The following RELN variants were observed in gnomAD, a reference collection of about 807,000 sequenced individuals.
RELN encodes reelin.
RELN carries 108 observed loss-of-function variants against 427.6 expected under a neutral mutation model. That is an observed-to-expected ratio of 0.25 (90% confidence interval 0.22 to 0.30). The LOEUF (loss-of-function observed/expected upper bound fraction) is 0.30. Among genes scored for constraint, RELN ranks in the 10% least tolerant of loss-of-function variants. RELN has a pLI of 1.00. For missense variants in RELN, 3,715 were observed against 4,302.8 expected (o/e 0.86, Z 3.82); for synonymous variants, 1,524 against 1,513.4 (o/e 1.01, Z -0.16).
At chr7:103,963,931 A>C (rs560771807) in intron 1 of RELN, among the ~76,000 whole-genome samples, 1 of 152,272 alleles carries the variant, frequency 6.6e-6, no homozygotes, top group Non-Finnish European at 1.5e-5. Context: ...GGAAAGTTGA[A>C]GCGAGAGGAC....
At chr7:103,821,762 C>A (rs1793020957) in intron 3 of RELN, among the ~76,000 whole-genome samples, 1 of 151,814 alleles carries the variant, frequency 6.6e-6, no homozygotes, top group Non-Finnish European at 1.5e-5. Context: ...ACCATCTTTG[C>A]TCCTTTGCAA....
chr7:103,893,067 AGAG>A (rs1313730377), intron 2 of RELN, among the ~76,000 whole-genome samples: 1 of 152,170 alleles, frequency 6.6e-6, no homozygotes, highest in African/African-American at 2.4e-5. Flanking sequence ...GTTCATGGGT[AGAG>A]GAGAAAAATA....
intron 2 of RELN, among the ~76,000 whole-genome samples, chr7:103,870,012 T>C (rs1388351709): frequency 6.6e-6 from 1 of 152,142 alleles, no homozygotes; most frequent in African/African-American, 2.4e-5. Flanking sequence ...CATCCTCATG[T>C]GCTTTTAAGA....
Position 103,881,988 on chromosome 7 carries a change from C to G in RELN, c.337+35087G>C, listed in dbSNP as rs79015923. Among the ~76,000 whole-genome samples the G allele has an allele frequency of 4.4e-3, 666 of 152,218 alleles. 3 individuals are homozygous for G. The highest frequency in any genetic ancestry group is 0.015 in the African/African-American group (629 of 41,528). The stretch of plus-strand genomic sequence containing the variant: ...ATGAAGTGCCAATGAATGAATGAAT[C>G]AATCAATCAGTCAAACAACCAACGA... On this transcript the variant is annotated intron_variant, in intron 2 of 64. Coordinates refer to ENST00000428762, the MANE Select transcript of RELN (RefSeq NM_005045.4).
In RELN at chr7:103,668,737, G is replaced by A. The variant is rs151086930; in HGVS notation, c.1290-7210C>T. 4.7e-4 allele frequency among the ~76,000 whole-genome samples: 71 copies of A among 152,282 alleles called. No individual in the cohort carries two copies. In the East Asian group the frequency reaches 0.013, roughly 29 times the overall value. On this transcript the variant is annotated intron_variant, in intron 11 of 64. Transcript: ENST00000428762. ...TATTGCATCATTCGCAAATTAACCA[G>A]GAGCCTCTCTTGACGCATACATGAA...
chr7:103,774,382 C>T (rs1405583388), intron 4 of RELN, among the ~76,000 whole-genome samples: 2 of 151,146 alleles, frequency 1.3e-5, no homozygotes, highest in Admixed American at 6.6e-5. Flanking sequence ...ATAATGAGTA[C>T]ATTTTCTAAT....
chr7:103,491,049 A>G (rs1046277583), intron 58 of RELN, among the ~76,000 whole-genome samples: 6 of 152,268 alleles, frequency 3.9e-5, no homozygotes, highest in East Asian at 1.9e-4. Context: ...GAATAAAATA[A>G]TAGCATGCAT....
In RELN at chr7:103,663,880, C is replaced by T. The variant is rs143898180; in HGVS notation, c.1290-2353G>A. ...TAGATCTCTTTTAAAGATTCGCAGG[C>T]CTAAATGGATGGTCTTATATAGAGG... On this transcript the variant is annotated intron_variant, in intron 11 of 64. Coordinates refer to ENST00000428762, the MANE Select transcript of RELN (RefSeq NM_005045.4). 2.0e-3 allele frequency among the ~76,000 whole-genome samples: 307 copies of T among 152,224 alleles called. 2 individuals are homozygous for T. Among genetic ancestry groups the T allele is most frequent in the Non-Finnish European group, 3.9e-3 (262 of 68,020 alleles).
Position 103,824,433 on chromosome 7 carries a change from T to C in RELN, c.473+9104A>G, listed in dbSNP as rs992394192. 3.9e-5 allele frequency among the ~76,000 whole-genome samples: 6 copies of C among 152,160 alleles called. No homozygotes were observed. The highest frequency in any genetic ancestry group is 1.4e-4 in the African/African-American group (6 of 41,546). The stretch of plus-strand genomic sequence containing the variant: ...CCCAGTTCCAGCTCAGTCTCCTTTA[T>C]TATCTCCTGCTGTCTTTTAAGAAGC... On this transcript the variant is annotated intron_variant, in intron 3 of 64. Transcript: ENST00000428762. This position sits in a 1 kb window ranked among gnomAD's most constrained non-coding sequence, Gnocchi z 4.4.
intron 57 of RELN, among the ~76,000 whole-genome samples, chr7:103,495,216 C>T (rs1308256823): frequency 1.5e-5 from 2 of 135,208 alleles, no homozygotes; most frequent in African/African-American, 2.8e-5. Flanking sequence ...CTCGTTCTGT[C>T]GCCCACAGTG....
intron 2 of RELN, among the ~76,000 whole-genome samples, chr7:103,871,961 T>A (rs1324189821): frequency 1.3e-5 from 2 of 151,140 alleles, no homozygotes; most frequent in African/African-American, 2.4e-5. Context: ...TGAGATATAA[T>A]GCTAATTATT....
At chr7:103,758,157 A>C (rs1791209668) in intron 4 of RELN, among the ~76,000 whole-genome samples, 1 of 152,168 alleles carries the variant, frequency 6.6e-6, no homozygotes, top group East Asian at 1.9e-4. Flanking sequence ...CATCTCTGTA[A>C]TCTTTATCCA....
At chr7:103,630,231 A>C (rs766168966) in intron 19 of RELN, 55 bp from the exon 20 acceptor site, 3 of 1,135,096 alleles carry the variant, frequency 2.6e-6, no homozygotes, top group Non-Finnish European at 4.0e-6. Flanking sequence ...TAAAACACAA[A>C]TATTTATAGT....
intron 38 of RELN, among the ~76,000 whole-genome samples, chr7:103,555,802 C>T (rs1454649659): frequency 6.6e-6 from 1 of 152,124 alleles, no homozygotes; most frequent in South Asian, 2.1e-4. Flanking sequence ...TATTCAGTGA[C>T]AAGATGTATG....
intron 2 of RELN, among the ~76,000 whole-genome samples, chr7:103,862,421 A>ATCTATCTG (rs1478173150): frequency 7.6e-6 from 1 of 131,384 alleles, no homozygotes; most frequent in Non-Finnish European, 1.7e-5. Context: ...CTATCTATCT[A>ATCTATCTG]TCTATCTATC....
At chr7:103,707,221 C>A (rs986229698) in intron 8 of RELN, among the ~76,000 whole-genome samples, 28 of 152,172 alleles carry the variant, frequency 1.8e-4, no homozygotes, top group African/African-American at 6.7e-4. Flanking sequence ...CAATGTGAGA[C>A]CCTCCTAACT....
chr7:103,738,361 C>T (rs521185), intron 6 of RELN, among the ~76,000 whole-genome samples: 33,142 of 151,638 alleles, frequency 0.22, 4,775 homozygotes, highest in African/African-American at 0.41. Context: ...AAGTTATGAA[C>T]CAGAAATATC....
At chr7:103,727,838 A>G (rs934437772) in intron 7 of RELN, among the ~76,000 whole-genome samples, 5 of 152,166 alleles carry the variant, frequency 3.3e-5, no homozygotes, top group Non-Finnish European at 7.3e-5. Context: ...ATTATAGCAA[A>G]TACTCATATT....
chr7:103,947,115 A>C (rs1418771970), intron 1 of RELN, among the ~76,000 whole-genome samples: 2 of 152,230 alleles, frequency 1.3e-5, no homozygotes, highest in African/African-American at 2.4e-5. Flanking sequence ...ACTAAACAAC[A>C]GTCATAATGC....
Sources: gnomAD v4.1 joint callset for allele counts (sites outside exome capture counted in the v4.1 genomes callset) on GRCh38, gnomAD v4.1.1 for gene constraint, Gnocchi (gnomAD v3.1) non-coding constraint, MANE v1.5 for transcripts, NCBI Gene and HGNC (gene_info 2026-07-23, HGNC 2026-07-21) for gene names.